Variants in AKR7A3 observed in about 807,000 individuals in gnomAD.
AKR7A3 encodes the protein AFB1 aldehyde reductase 2.
A neutral mutation model predicts 32.5 loss-of-function variants in AKR7A3; 37 were observed. The ratio of observed to expected loss-of-function variants is 1.14; its 90% confidence interval spans 0.88 to 1.50. AKR7A3 has a LOEUF of 1.50. AKR7A3 is among the 40% of genes most tolerant of loss of function. AKR7A3 has a pLI of 0.00. For synonymous variants in AKR7A3, 177 were observed against 188.4 expected (o/e 0.94, Z 0.50); for missense variants, 412 against 453.2 (o/e 0.91, Z 0.83).
chr1:19,284,917 A>T (rs376712052), intron 4 of AKR7A3, 101 bp downstream of exon 4: 7 of 1,573,238 alleles, frequency 4.4e-6, no homozygotes. Context: ...CTTTGACCTC[A>T]GAGGTCAAAG....
At chr1:19,285,619 G>A (rs1478623091) in intron 3 of AKR7A3, among the ~76,000 whole-genome samples, 3 of 151,676 alleles carry the variant, frequency 2.0e-5, no homozygotes, top group African/African-American at 7.3e-5. Flanking sequence ...AGGGGCGGTG[G>A]TGGGGGAAGG....
chr1:19,276,087 G>A, the AKR7A3 span, among the ~76,000 whole-genome samples: 1 of 151,812 alleles, frequency 6.6e-6, no homozygotes, highest in African/African-American at 2.4e-5. Flanking sequence ...AACAGCCCAG[G>A]CGCCGTGGCT....
chr1:19,284,179 C>T (rs1177568172), intron 5 of AKR7A3, 54 bp from the exon 6 acceptor site: 1 of 1,567,018 alleles, frequency 6.4e-7, no homozygotes, highest in East Asian at 2.2e-5. Context: ...GAGCCACAAC[C>T]AAAGAGCCAA....
At chr1:19,274,268 C>T in the AKR7A3 span, 15 of 1,180,246 alleles carry the variant, frequency 1.3e-5, no homozygotes, top group South Asian at 3.0e-4. Flanking sequence ...CGAGGACCGT[C>T]TGCACTTGCA....
intron 5 of AKR7A3, 32 bp downstream of exon 5, chr1:19,284,654 C>G (rs1347192236): frequency 1.2e-6 from 2 of 1,609,824 alleles, no homozygotes; most frequent in East Asian, 4.5e-5. Flanking sequence ...TGACCCCACC[C>G]CAGCCATCCA....
In AKR7A3 at chr1:19,284,785, C is replaced by A. The variant is rs748008613; in HGVS notation, c.605G>T (p.Gly202Val). 9 of 1,613,764 alleles carry A rather than the reference C, an allele frequency of 5.6e-6. No homozygotes were observed. Among genetic ancestry groups the A allele is most frequent in the Non-Finnish European group, 6.8e-6 (8 of 1,179,966 alleles). Reference sequence around the variant, plus strand: ...CTTGTACTTGCCGGTCAGCAGGCCCCCTGAGGGAAAGCAGCAATCAGCCCC... The same window carrying A: ...CTTGTACTTGCCGGTCAGCAGGCCCACTGAGGGAAAGCAGCAATCAGCCCC... Reference protein sequence around the residue: ...LRFYAFNPLAGGLLTGKYKYE... With the variant: ...LRFYAFNPLAVGLLTGKYKYE... Residue 202 changes from glycine (G) to valine (V), a missense_variant and splice_region_variant, in exon 5 of 7, where the codon GGG (glycine) becomes GTG (valine). Transcript: ENST00000361640.
At chr1:19,275,260 A>C in the AKR7A3 span, among the ~76,000 whole-genome samples, 5 of 151,450 alleles carry the variant, frequency 3.3e-5, no homozygotes, top group East Asian at 5.8e-4. Context: ...AAAAATACAA[A>C]ATTAGCCAGG....
At chr1:19,277,282 A>C in the AKR7A3 span, among the ~76,000 whole-genome samples, 1 of 151,916 alleles carries the variant, frequency 6.6e-6, no homozygotes, top group African/African-American at 2.4e-5. Context: ...AAGAAAAAGG[A>C]AAAATAGAAA....
intron 5 of AKR7A3, 29 bp from the exon 6 acceptor site, chr1:19,284,154 T>G: frequency 6.3e-7 from 1 of 1,592,886 alleles, no homozygotes; most frequent in Non-Finnish European, 8.6e-7. Flanking sequence ...GGCACAGGTG[T>G]CAGGGCCACA....
chr1:19,287,935 C>T (rs1441706564), intron 1 of AKR7A3, among the ~76,000 whole-genome samples: 15 of 152,120 alleles, frequency 9.9e-5, no homozygotes, highest in Non-Finnish European at 1.5e-4. Flanking sequence ...CCAAGGCTTC[C>T]GGGCACTGCC....
the AKR7A3 span, among the ~76,000 whole-genome samples, chr1:19,274,935 C>T: frequency 1.6e-5 from 1 of 63,744 alleles, no homozygotes; most frequent in Admixed American, 1.9e-4. Context: ...ACAGATGGAA[C>T]AAATGAAAAA....
intron 5 of AKR7A3, 77 bp from the exon 6 acceptor site, chr1:19,284,202 T>C (rs1433012669): frequency 1.9e-6 from 3 of 1,538,654 alleles, no homozygotes; most frequent in African/African-American, 1.4e-5. Context: ...AGGGCCACTG[T>C]CCCACCCCAC....
At chr1:19,274,758 C>T in the AKR7A3 span, among the ~76,000 whole-genome samples, 1 of 148,084 alleles carries the variant, frequency 6.8e-6, no homozygotes, top group Admixed American at 6.7e-5. Context: ...CCAGCCTGGG[C>T]AACATAGGGA....
At chr1:19,274,906 A>AAAAAAAAAAAAAAAAAAAAAAAAAAAAAC in the AKR7A3 span, among the ~76,000 whole-genome samples, 2 of 147,566 alleles carry the variant, frequency 1.4e-5, no homozygotes, top group Non-Finnish European at 3.0e-5. Context: ...ATACAAAAAA[A>AAAAAAAAAAAAAAAAAAAAAAAAAAAAAC]AAAAAAAAAG....
chr1:19,276,278 T>C, the AKR7A3 span, among the ~76,000 whole-genome samples: 2 of 149,874 alleles, frequency 1.3e-5, no homozygotes, highest in African/African-American at 5.0e-5. Flanking sequence ...AAAGAATTGC[T>C]TGAACCCAGG....
chr1:19,288,722 G>C lies in AKR7A3; in HGVS notation c.-13C>G. The C allele has an allele frequency of 6.8e-7, 1 of 1,478,630 alleles. No individual in the cohort carries two copies. Among genetic ancestry groups the C allele is most frequent in the Admixed American group, 2.3e-5 (1 of 44,374 alleles). 91.6% of individuals were successfully genotyped at this position (1,478,630 alleles called of 1,614,324 possible). Reference sequence around the variant, plus strand: ...GCTGCCGGGACATGACGGCGGCAACGGGAGACTGTGACAGCCCAGGAGCCG... The same window carrying C: ...GCTGCCGGGACATGACGGCGGCAACCGGAGACTGTGACAGCCCAGGAGCCG... On this transcript the variant is annotated 5_prime_UTR_variant, in exon 1 of 7. Coordinates refer to ENST00000361640, the MANE Select transcript of AKR7A3 (RefSeq NM_012067.3).
the AKR7A3 span, among the ~76,000 whole-genome samples, chr1:19,276,639 T>C: frequency 1.3e-5 from 2 of 151,006 alleles, no homozygotes; most frequent in South Asian, 4.2e-4. Context: ...CCGTCTCTAC[T>C]AAAAATATAA....
chr1:19,284,808 C>T, intron 4 of AKR7A3, 23 bp from the exon 5 acceptor site: 1 of 1,612,400 alleles, frequency 6.2e-7, no homozygotes, highest in Non-Finnish European at 8.5e-7. Context: ...AGCAATCAGC[C>T]CCGGGGCCTA....
Position 19,286,350 on chromosome 1 carries a change from A to G in AKR7A3, c.237T>C (p.Ile79=). Residue 79 remains isoleucine (I), a synonymous_variant, in exon 2 of 7, where the codon ATT becomes ATC. Transcript: ENST00000361640. ...DCRVKIDTKA[I]PLFGNSLKPD... ...GCTTCAGGGAGTTCCCAAACAGTGG[A>G]ATGGCCTTGGTATCAATTTTCACTG... is the stretch of plus-strand genomic sequence containing the variant. 6.2e-7 allele frequency: 1 copy of G among 1,613,818 alleles called. No individual in the cohort carries two copies. Among genetic ancestry groups the G allele is most frequent in the South Asian group, 1.1e-5 (1 of 91,044 alleles).
Sources: allele counts gnomAD v4.1 joint callset (sites outside exome capture counted in the v4.1 genomes callset), GRCh38; gene constraint gnomAD v4.1.1; transcripts MANE v1.5; gene names NCBI Gene and HGNC (gene_info 2026-07-23, HGNC 2026-07-21).